Variants in CNTN4 observed in about 807,000 individuals in gnomAD.
The protein encoded by CNTN4 is contactin 4.
A neutral mutation model predicts 122.5 loss-of-function variants in CNTN4; 77 were observed. The ratio of observed to expected loss-of-function variants is 0.63; its 90% confidence interval spans 0.52 to 0.76. The LOEUF (loss-of-function observed/expected upper bound fraction) is 0.76, where lower values mean the gene tolerates loss of function less well. Among genes scored for constraint, CNTN4 ranks in the 30% least tolerant of loss-of-function variants. The probability of loss-of-function intolerance (pLI) is 0.00; values close to 1 mark genes in which losing one functional copy is unlikely to be tolerated. For missense variants in CNTN4, 1,256 were observed against 1,259.1 expected, an observed-to-expected ratio of 1.00 and a Z score of 0.04; for synonymous variants, 512 against 447.0, an observed-to-expected ratio of 1.15 and a Z score of -1.83.
chr3:2,825,086 G>T (rs955875015), intron 7 of CNTN4, among the ~76,000 whole-genome samples: 3 of 152,158 alleles, frequency 2.0e-5, no homozygotes, highest in Non-Finnish European at 1.5e-5. Context: ...CTCATACTCA[G>T]AAGTAGCATT....
At chr3:2,487,536 A>G (rs956637414) in intron 3 of CNTN4, among the ~76,000 whole-genome samples, 2 of 152,228 alleles carry the variant, frequency 1.3e-5, no homozygotes, top group Non-Finnish European at 2.9e-5. Flanking sequence ...CTAGTCAATT[A>G]TATTCCTTAG....
chr3:2,110,612 C>A (rs2032868899), intron 2 of CNTN4: 1 of 152,168 alleles, frequency 6.6e-6, no homozygotes, highest in Non-Finnish European at 1.5e-5. Context: ...TTTCCACTTG[C>A]TGTTTTCCAC....
At chr3:2,202,691 T>A (rs2038154059) in intron 2 of CNTN4, among the ~76,000 whole-genome samples, 1 of 152,188 alleles carries the variant, frequency 6.6e-6, no homozygotes, top group Non-Finnish European at 1.5e-5. Flanking sequence ...GTAATTTACT[T>A]AAGGTCACAT....
rs751761361 is a variant in CNTN4, at chr3:3,056,185, A to C, written c.3046A>C (p.Ile1016Leu). 3.1e-6 allele frequency: 5 copies of C among 1,614,136 alleles called. No individual in the cohort carries two copies. The highest frequency in any genetic ancestry group is 4.2e-6 in the Non-Finnish European group (5 of 1,179,946). Residue 1016 changes from isoleucine (I) to leucine (L), a missense_variant, in exon 25 of 25, where the codon ATA becomes CTA. Coordinates refer to ENST00000418658, the MANE Select transcript of CNTN4 (RefSeq NM_175607.3). The part of the protein sequence containing the change: ...NACTLSAIST[I>L]MISLTARSSL ...ATGTACGCTGTCAGCCATCAGTACAATAATGATTTCCCTCACAGCTAGGTC... is the reference window on the plus strand; with the variant it reads ...ATGTACGCTGTCAGCCATCAGTACACTAATGATTTCCCTCACAGCTAGGTC...
At chr3:2,366,205 A>G (rs1390416446) in intron 3 of CNTN4, among the ~76,000 whole-genome samples, 2 of 152,208 alleles carry the variant, frequency 1.3e-5, no homozygotes, top group Admixed American at 6.5e-5. Context: ...TTCAGTTTCC[A>G]AAAAGTGAAT....
intron 8 of CNTN4, among the ~76,000 whole-genome samples, chr3:2,870,345 G>T (rs2093770547): frequency 2.0e-5 from 3 of 152,156 alleles, no homozygotes; most frequent in Admixed American, 2.0e-4. Flanking sequence ...TAATTTCCAT[G>T]AGTGTTGCAT....
intron 4 of CNTN4, among the ~76,000 whole-genome samples, chr3:2,614,483 A>C (rs1361560020): frequency 1.3e-5 from 2 of 152,238 alleles, no homozygotes; most frequent in African/African-American, 4.8e-5. Context: ...AAGTACAATT[A>C]GGCTGTTGTC....
At chr3:2,803,701 TG>T (rs1212677846) in intron 6 of CNTN4, among the ~76,000 whole-genome samples, 1 of 151,896 alleles carries the variant, frequency 6.6e-6, no homozygotes, top group Non-Finnish European at 1.5e-5. Context: ...CTGGGATTAC[TG>T]GTGCCTGCCA....
Position 2,167,280 on chromosome 3 carries a change from C to T in CNTN4, c.-145+66641C>T, listed in dbSNP as rs551232724. Among the ~76,000 whole-genome samples the T allele has an allele frequency of 1.1e-4, 17 of 152,084 alleles. No homozygotes were observed. In the East Asian group the frequency reaches 3.1e-3, roughly 28 times the overall value. The stretch of plus-strand genomic sequence containing the variant: ...TGGACATATGGTTCAAAAATGATTG[C>T]CACCTCATGGAATGAATGGATGTGG... On this transcript the variant is annotated intron_variant, in intron 2 of 24. Transcript: ENST00000418658.
chr3:2,130,854 T>C (rs2034417750), intron 2 of CNTN4, among the ~76,000 whole-genome samples: 1 of 152,242 alleles, frequency 6.6e-6, no homozygotes, highest in Non-Finnish European at 1.5e-5. Flanking sequence ...TGCTGTGTGC[T>C]ATGTGACATT....
chr3:2,118,224 T>G (rs2033502440), intron 2 of CNTN4, among the ~76,000 whole-genome samples: 1 of 152,224 alleles, frequency 6.6e-6, no homozygotes, highest in Admixed American at 6.5e-5. Context: ...GTAAGTAATT[T>G]GTCTCAGGTC....
intron 3 of CNTN4, among the ~76,000 whole-genome samples, chr3:2,380,474 T>G (rs989900423): frequency 2.9e-4 from 44 of 152,188 alleles, no homozygotes; most frequent in African/African-American, 1.0e-3. Context: ...CAGGTGAGAT[T>G]TGGTATGAAT....
At chr3:2,525,115 T>A (rs2077355289) in intron 3 of CNTN4, among the ~76,000 whole-genome samples, 1 of 152,106 alleles carries the variant, frequency 6.6e-6, no homozygotes, top group African/African-American at 2.4e-5. Flanking sequence ...AGAACACCTA[T>A]TAGAGGGGAG....
intron 2 of CNTN4, among the ~76,000 whole-genome samples, chr3:2,241,808 C>T (rs572790377): frequency 2.6e-5 from 4 of 152,162 alleles, no homozygotes; most frequent in Non-Finnish European, 4.4e-5. Flanking sequence ...AAAATTAAAA[C>T]GGTATGCCAG....
intron 4 of CNTN4, among the ~76,000 whole-genome samples, chr3:2,660,023 GCA>G (rs1264611080): frequency 6.6e-6 from 1 of 152,112 alleles, no homozygotes; most frequent in African/African-American, 2.4e-5. Context: ...ACGATCTGAT[GCA>G]CAGTCACTGG....
At chr3:2,230,704 G>A (rs2039452062) in intron 2 of CNTN4, among the ~76,000 whole-genome samples, 1 of 152,150 alleles carries the variant, frequency 6.6e-6, no homozygotes, top group Non-Finnish European at 1.5e-5. Context: ...TGATGTGAGG[G>A]ATGGGTGCGG....
intron 20 of CNTN4, 93 bp downstream of exon 20, chr3:3,040,364 A>T: frequency 1.0e-6 from 1 of 965,892 alleles, no homozygotes. Context: ...CGCATGGTAC[A>T]TGTATCTTGA....
intron 3 of CNTN4, among the ~76,000 whole-genome samples, chr3:2,351,291 A>T (rs1308802945): frequency 6.6e-6 from 1 of 152,160 alleles, no homozygotes; most frequent in East Asian, 1.9e-4. Context: ...ATCCAGACCA[A>T]ATCTCATTTT....
In CNTN4 at chr3:3,053,740, A is replaced by G; in HGVS notation, c.2812-67A>G. The G allele has an allele frequency of 5.8e-6, 9 of 1,548,520 alleles. No homozygotes were observed. The Admixed American group carries it at 1.0e-4, about 17-fold the overall frequency. ...TGCTCGTGCCCAGAGGTGAAAACAA[A>G]TGAATGCTCCATATTTGGGACCTTT... On this transcript the variant is annotated intron_variant, in intron 23 of 24. Transcript: ENST00000418658.
Sources: allele counts gnomAD v4.1 joint callset (sites outside exome capture counted in the v4.1 genomes callset), GRCh38; gene constraint gnomAD v4.1.1; transcripts MANE v1.5; gene names NCBI Gene and HGNC (gene_info 2026-07-23, HGNC 2026-07-21).